SYPL2: variants seen among roughly 807,000 people sequenced by gnomAD.
SYPL2 encodes the protein synaptophysin-like protein 2.
SYPL2 carries 24 observed loss-of-function variants against 31.3 expected under a neutral mutation model. That is an observed-to-expected ratio of 0.77 (90% CI 0.56 to 1.08). SYPL2 has a LOEUF of 1.08. Among genes scored for constraint, SYPL2 ranks in the 50% least tolerant of loss-of-function variants. The pLI is 0.00. For synonymous variants in SYPL2, 144 were observed against 143.1 expected (o/e 1.01, Z -0.05); for missense variants, 342 against 360.1 (o/e 0.95, Z 0.41).
chr1:109,479,933 C>T lies in SYPL2; in HGVS notation c.*385C>T, dbSNP rs1656115391. On this transcript the variant is annotated 3_prime_UTR_variant, in exon 6 of 6. Coordinates refer to ENST00000369872, the MANE Select transcript of SYPL2 (RefSeq NM_001040709.2). ...ACCTTTCTGTCAACCTGTCCGGCTT[C>T]AACAATATTAGGGGGAAGGGAAATC... The T allele has an allele frequency of 5.0e-6, 1 of 199,782 alleles. No homozygotes were observed. The highest frequency in any genetic ancestry group is 1.0e-5 in the Non-Finnish European group (1 of 98,354). The allele number at this position is 199,782 out of a possible 1,614,324, so 12.4% of individuals were successfully genotyped here.
In SYPL2 at chr1:109,478,153, C is replaced by G; in HGVS notation, c.648+144C>G. 1 of 1,435,304 alleles carries G rather than the reference C, an allele frequency of 7.0e-7. No homozygotes were observed. The highest frequency in any genetic ancestry group is 9.1e-7 in the Non-Finnish European group (1 of 1,096,340). The allele number at this position is 1,435,304 out of a possible 1,614,324, so 88.9% of individuals were successfully genotyped here. A position where few individuals can be genotyped will look rare whatever the true frequency, so the allele number is the denominator to read the frequency against. On this transcript the variant is annotated intron_variant, in intron 5 of 5. Transcript: ENST00000369872. This position sits in a 1 kb window ranked among gnomAD's most constrained non-coding sequence, Gnocchi z 4.0. Reference sequence around the variant, plus strand: ...GCTGGTGCCCTCACTGCGCTTCATGCTGGCTGCTGGCTCCTGGCTGACCCT... The same window carrying G: ...GCTGGTGCCCTCACTGCGCTTCATGGTGGCTGCTGGCTCCTGGCTGACCCT...
chr1:109,469,572 A>T (rs201660843), intron 2 of SYPL2, among the ~76,000 whole-genome samples: 7 of 141,282 alleles, frequency 5.0e-5, no homozygotes, highest in South Asian at 4.6e-4. Flanking sequence ...CTTAAAAAAA[A>T]TTTTCTTTTT....
chr1:109,469,034 C>T (rs1456799067), intron 2 of SYPL2, among the ~76,000 whole-genome samples: 4 of 152,202 alleles, frequency 2.6e-5, no homozygotes, highest in Admixed American at 2.0e-4. Context: ...CACAAAGAAA[C>T]GTGCTTTGCT....
Position 109,466,900 on chromosome 1 carries a change from A to G in SYPL2, c.54+3A>G. On this transcript the variant is annotated splice_donor_region_variant and intron_variant, in intron 1 of 5. Coordinates refer to ENST00000369872, the MANE Select transcript of SYPL2 (RefSeq NM_001040709.2). Reference sequence around the variant, plus strand: ...CGGACAAGTCGCCGCGCCAGCAGGTAGTCCCTGCGCGCCCAGGACTCTCAC... The same window carrying G: ...CGGACAAGTCGCCGCGCCAGCAGGTGGTCCCTGCGCGCCCAGGACTCTCAC... 6.5e-7 allele frequency: 1 copy of G among 1,529,176 alleles called. No individual in the cohort carries two copies. Among genetic ancestry groups the G allele is most frequent in the Non-Finnish European group, 8.7e-7 (1 of 1,143,566 alleles). The allele number at this position is 1,529,176 out of a possible 1,614,324, so 94.7% of individuals were successfully genotyped here.
intron 2 of SYPL2, among the ~76,000 whole-genome samples, chr1:109,471,661 C>T (rs767395023): frequency 2.0e-5 from 3 of 152,050 alleles, no homozygotes; most frequent in Non-Finnish European, 2.9e-5. Context: ...GTGATTTGCC[C>T]GCCTTGGCCT....
At chr1:109,475,876 T>C (rs529317292) in intron 3 of SYPL2, among the ~76,000 whole-genome samples, 171 bp downstream of exon 3, 6 of 152,302 alleles carry the variant, frequency 3.9e-5, no homozygotes, top group African/African-American at 1.4e-4. Flanking sequence ...TTCAGACACA[T>C]TGACCAGAGC....
At position 109,466,737 on chromosome 1, in the gene SYPL2, C is replaced by G. The variant is rs899468809; in HGVS notation, c.-107C>G. On this transcript the variant is annotated 5_prime_UTR_variant, in exon 1 of 6. Coordinates refer to ENST00000369872, the MANE Select transcript of SYPL2 (RefSeq NM_001040709.2). ...CGGCCGCTCGCGCTCCGGCCCCGCTCGCCTGCTCTGCCCCGGACCTGCAGC... is the reference window on the plus strand; with the variant it reads ...CGGCCGCTCGCGCTCCGGCCCCGCTGGCCTGCTCTGCCCCGGACCTGCAGC... The G allele has an allele frequency of 4.5e-5, 57 of 1,256,976 alleles. No individual in the cohort carries two copies. Among genetic ancestry groups the G allele is most frequent in the Non-Finnish European group, 5.7e-5 (55 of 971,364 alleles). The allele number at this position is 1,256,976 out of a possible 1,614,324, so 77.9% of individuals were successfully genotyped here.
intron 4 of SYPL2, 86 bp downstream of exon 4, chr1:109,477,063 C>A: frequency 6.6e-7 from 1 of 1,518,792 alleles, no homozygotes; most frequent in Non-Finnish European, 9.0e-7. Context: ...AGAGGACAAG[C>A]ATGGCGGCTT....
At chr1:109,476,130 G>A (rs922194191) in intron 3 of SYPL2, among the ~76,000 whole-genome samples, 1 of 152,142 alleles carries the variant, frequency 6.6e-6, no homozygotes, top group Non-Finnish European at 1.5e-5. Flanking sequence ...CAGCCAGTAC[G>A]ACCAGGATAC....
At chr1:109,467,865 T>C (rs1169523454) in intron 2 of SYPL2, among the ~76,000 whole-genome samples, 1 of 152,244 alleles carries the variant, frequency 6.6e-6, no homozygotes, top group Non-Finnish European at 1.5e-5. Context: ...CTATGTCACC[T>C]TGGGCAATTC....
intron 2 of SYPL2, among the ~76,000 whole-genome samples, chr1:109,472,545 G>A (rs970144251): frequency 1.3e-5 from 2 of 151,664 alleles, no homozygotes; most frequent in African/African-American, 4.8e-5. Flanking sequence ...GTGAAGAGAA[G>A]GCTCCATAAC....
At chr1:109,477,109 T>C in intron 4 of SYPL2, 132 bp downstream of exon 4, 1 of 1,055,192 alleles carries the variant, frequency 9.5e-7, no homozygotes, top group Non-Finnish European at 1.4e-6. Flanking sequence ...TCCATCAACC[T>C]CCCGTTGCTT....
chr1:109,469,800 C>T (rs1402864557), intron 2 of SYPL2, among the ~76,000 whole-genome samples: 1 of 133,580 alleles, frequency 7.5e-6, no homozygotes, highest in Non-Finnish European at 1.5e-5. Flanking sequence ...CGCACTCCAG[C>T]CTGAGTGACA....
Position 109,477,810 on chromosome 1 carries a change from C to T in SYPL2, c.457-8C>T, listed in dbSNP as rs1557861627. On this transcript the variant is annotated splice_polypyrimidine_tract_variant and splice_region_variant and intron_variant, in intron 4 of 5. Transcript: ENST00000369872. ...TGAGTGTATTTCCCATCCCTCTGCT[C>T]CTCCCAGGACTTCTGTGTGACTGTC... The T allele has an allele frequency of 1.9e-6, 3 of 1,593,128 alleles. No homozygotes were observed. The highest frequency in any genetic ancestry group is 2.6e-6 in the Non-Finnish European group (3 of 1,167,242).
At chr1:109,475,501 C>A in intron 2 of SYPL2, 80 bp from the exon 3 acceptor site, 1 of 1,548,060 alleles carries the variant, frequency 6.5e-7, no homozygotes, top group Non-Finnish European at 8.8e-7. Flanking sequence ...AATGTCTGCA[C>A]CTGCGGGGAG....
At chr1:109,474,044 T>C (rs1163308052) in intron 2 of SYPL2, among the ~76,000 whole-genome samples, 6 of 152,162 alleles carry the variant, frequency 3.9e-5, no homozygotes, top group Non-Finnish European at 8.8e-5. Context: ...CTAACAAGCA[T>C]TGGCAAAATA....
chr1:109,476,609 G>T (rs557409109), intron 3 of SYPL2, among the ~76,000 whole-genome samples, 167 bp from the exon 4 acceptor site: 1 of 152,248 alleles, frequency 6.6e-6, no homozygotes, highest in South Asian at 2.1e-4. Context: ...AAATTTCGGG[G>T]GAGTTCCCAT....
rs1656167940 is a variant in SYPL2, at chr1:109,481,824, T to G, written c.*2276T>G. ...GGCCAAGTGCCTCATAGGACTCATG[T>G]TCTCTCCAACCAGGGCTGGCATCAC... On this transcript the variant is annotated 3_prime_UTR_variant, in exon 6 of 6. Coordinates refer to ENST00000369872, the MANE Select transcript of SYPL2 (RefSeq NM_001040709.2). 6.6e-6 allele frequency: 1 copy of G among 152,318 alleles called. No individual in the cohort carries two copies. Among genetic ancestry groups the G allele is most frequent in the Non-Finnish European group, 1.5e-5 (1 of 68,086 alleles). The allele number at this position is 152,318 out of a possible 1,614,324, so 9.4% of individuals were successfully genotyped here.
chr1:109,472,226 C>T (rs1418478614), intron 2 of SYPL2, among the ~76,000 whole-genome samples: 2 of 151,682 alleles, frequency 1.3e-5, no homozygotes, highest in African/African-American at 4.8e-5. Context: ...AAGAGATCTT[C>T]CCACATCAGC....
Sources: allele counts gnomAD v4.1 joint callset (sites outside exome capture counted in the v4.1 genomes callset), GRCh38; gene constraint gnomAD v4.1.1; non-coding constraint Gnocchi (gnomAD v3.1); transcripts MANE v1.5; gene names NCBI Gene and HGNC (gene_info 2026-07-23, HGNC 2026-07-21).